The following STX2 variants were observed in gnomAD, a reference collection of about 807,000 sequenced individuals.
STX2 encodes the protein syntaxin 2, also known as syntaxin-2.
Under a neutral mutation model 40.6 loss-of-function variants are expected in STX2, and 27 were observed. The ratio of observed to expected loss-of-function variants is 0.66; its 90% CI spans 0.49 to 0.92. The LOEUF (loss-of-function observed/expected upper bound fraction) is 0.92. STX2 is among the 40% of genes least tolerant of loss of function. The pLI, the probability that STX2 is intolerant of heterozygous loss-of-function variation, is 0.00. For synonymous variants in STX2, 123 were observed against 119.1 expected, an observed-to-expected ratio of 1.03 and a Z score of -0.22; for missense variants, 328 against 366.1, an observed-to-expected ratio of 0.90 and a Z score of 0.85.
chr12:130,807,206 G>T, intron 5 of STX2, 116 bp from the exon 6 acceptor site: 1 of 984,986 alleles, frequency 1.0e-6, no homozygotes, highest in Non-Finnish European at 1.5e-6. Flanking sequence ...CCTGCAAATG[G>T]AAAATGACAA....
At chr12:130,805,296 A>C (rs940498858) in intron 6 of STX2, among the ~76,000 whole-genome samples, 3 of 152,192 alleles carry the variant, frequency 2.0e-5, no homozygotes, top group African/African-American at 7.2e-5. Context: ...TTTCCAAGAC[A>C]CTGAGCATCA....
At chr12:130,833,410 CTTTT>C (rs5801939) in intron 1 of STX2, among the ~76,000 whole-genome samples, 2 of 120,644 alleles carry the variant, frequency 1.7e-5, no homozygotes, top group Non-Finnish European at 3.6e-5. Flanking sequence ...ATCACTCTAC[CTTTT>C]TTTTTTTTTT....
intron 3 of STX2, among the ~76,000 whole-genome samples, chr12:130,820,301 A>G (rs1342499659): frequency 6.6e-6 from 1 of 152,252 alleles, no homozygotes; most frequent in African/African-American, 2.4e-5. Context: ...CTGATTAGGC[A>G]AGGGGTACAA....
intron 2 of STX2, among the ~76,000 whole-genome samples, chr12:130,824,582 G>A (rs1952231540): frequency 6.6e-6 from 1 of 152,124 alleles, no homozygotes; most frequent in Non-Finnish European, 1.5e-5. Context: ...AGAGAATGGT[G>A]CCAGCTACCA....
chr12:130,791,891 A>T lies in STX2; in HGVS notation c.*132T>A. The T allele has an allele frequency of 6.2e-7, 1 of 1,609,994 alleles. No homozygotes were observed. The highest frequency in any genetic ancestry group is 8.5e-7 in the Non-Finnish European group (1 of 1,177,110). Reference sequence around the variant, plus strand: ...GTCTCAAGGATAAATGGCTCTTGGGATATGGTTGCTAGGACAATGTTGTTG... The same window carrying T: ...GTCTCAAGGATAAATGGCTCTTGGGTTATGGTTGCTAGGACAATGTTGTTG... On this transcript the variant is annotated 3_prime_UTR_variant, in exon 11 of 11. Transcript: ENST00000392373.
intron 2 of STX2, 58 bp downstream of exon 2, chr12:130,827,135 G>C (rs1283640911): frequency 1.3e-6 from 1 of 761,132 alleles, no homozygotes; most frequent in African/African-American, 2.6e-5. Context: ...GGAGGGGTGG[G>C]GGGAGGGAGG....
intron 1 of STX2, among the ~76,000 whole-genome samples, chr12:130,831,339 T>TA (rs945661487): frequency 2.4e-4 from 36 of 152,204 alleles, no homozygotes; most frequent in African/African-American, 8.4e-4. Context: ...ATCACTTGGG[T>TA]AAAAAAAGAA....
intron 3 of STX2, among the ~76,000 whole-genome samples, chr12:130,821,430 C>G (rs552064609): frequency 6.3e-4 from 96 of 152,268 alleles, no homozygotes; most frequent in African/African-American, 2.3e-3. Flanking sequence ...AAGCCACTTT[C>G]GTGTATTCTT....
At chr12:130,810,961 G>A (rs1951625538) in intron 4 of STX2, 1 of 152,182 alleles carries the variant, frequency 6.6e-6, no homozygotes, top group African/African-American at 2.4e-5. Flanking sequence ...AGTAAGCTCT[G>A]CTGTCCTCTG....
chr12:130,823,072 C>A (rs1159596541), intron 2 of STX2, among the ~76,000 whole-genome samples: 1 of 152,090 alleles, frequency 6.6e-6, no homozygotes, highest in African/African-American at 2.4e-5. Context: ...GGAGCCAAGG[C>A]AGAAGGATCA....
chr12:130,797,117 G>C (rs1359043319), intron 9 of STX2, among the ~76,000 whole-genome samples: 1 of 152,144 alleles, frequency 6.6e-6, no homozygotes, highest in African/African-American at 2.4e-5. Context: ...GCCAGCTACC[G>C]CACAGACCCC....
chr12:130,801,258 A>G lies in STX2; in HGVS notation c.570T>C (p.Ala190=). 6.2e-7 allele frequency: 1 copy of G among 1,613,560 alleles called. No homozygotes were observed. Among genetic ancestry groups the G allele is most frequent in the Non-Finnish European group, 8.5e-7 (1 of 1,179,690 alleles). Residue 190 remains alanine (A), a synonymous_variant, in exon 8 of 11, where the codon GCT becomes GCC. Coordinates refer to ENST00000392373, the MANE Select transcript of STX2 (RefSeq NM_194356.4). ...IISDSQITRQ[A]LNEIESRHKD... Reference sequence around the variant, plus strand: ...TGTGACGTGACTCGATTTCATTGAGAGCTTGTCTAGTAATTTGTGAATCTG... The same window carrying G: ...TGTGACGTGACTCGATTTCATTGAGGGCTTGTCTAGTAATTTGTGAATCTG...
In STX2 at chr12:130,801,301, C is replaced by A; in HGVS notation, c.538-11G>T. ...TGAATCTGATATAATCTTGGAAAAA[C>A]AAAAATAAAAGATAATATTAATAAA... is the stretch of plus-strand genomic sequence containing the variant. On this transcript the variant is annotated splice_polypyrimidine_tract_variant and intron_variant, in intron 7 of 10. Transcript: ENST00000392373. 6.2e-7 allele frequency: 1 copy of A among 1,603,674 alleles called. No homozygotes were observed. The highest frequency in any genetic ancestry group is 1.1e-5 in the South Asian group (1 of 89,040).
At position 130,806,990 on chromosome 12, in the gene STX2, A is replaced by G; in HGVS notation, c.455T>C (p.Leu152Pro). 6.2e-7 allele frequency: 1 copy of G among 1,614,150 alleles called. No homozygotes were observed. The highest frequency in any genetic ancestry group is 1.1e-5 in the South Asian group (1 of 91,084). ...GAGTCTCCATTACTCACTTATCTCC[A>G]GCTGGCGCTGGATGCGGCCTTTGCT... is the stretch of plus-strand genomic sequence containing the variant. ...ERSKGRIQRQ[L>P]EITGRTTTDD... The change falls in exon 6 of 11, where the codon CTG becomes CCG. Residue 152 changes from leucine to proline, a missense_variant. Leu to Pro is a moderately conservative substitution (Grantham distance 98). Coordinates refer to ENST00000392373, the MANE Select transcript of STX2 (RefSeq NM_194356.4).
At chr12:130,832,210 G>A (rs543300305) in intron 1 of STX2, among the ~76,000 whole-genome samples, 10 of 151,146 alleles carry the variant, frequency 6.6e-5, no homozygotes, top group African/African-American at 2.4e-4. Context: ...TCTCCACTCA[G>A]CATATATTGC....
At chr12:130,828,381 C>T (rs1952408251) in intron 1 of STX2, among the ~76,000 whole-genome samples, 2 of 146,720 alleles carry the variant, frequency 1.4e-5, no homozygotes, top group African/African-American at 5.0e-5. Context: ...GCACCTGCCA[C>T]CACACCCGGC....
In STX2 at chr12:130,827,247, T is replaced by G; in HGVS notation, c.51A>C (p.Gly17=). ...DLTACRKNDD[G]DTVVVVEKDH... is the part of the protein sequence containing the mutation. ...CTTTCTCAACCACAACAACTGTGTCTCCATCATCATTCTTCCTACACTACA... is the reference window on the plus strand; with the variant it reads ...CTTTCTCAACCACAACAACTGTGTCGCCATCATCATTCTTCCTACACTACA... The change falls in exon 2 of 11, where the codon GGA becomes GGC. Residue 17 remains glycine, a synonymous_variant. Coordinates refer to ENST00000392373, the MANE Select transcript of STX2 (RefSeq NM_194356.4). The G allele has an allele frequency of 1.2e-6, 2 of 1,613,894 alleles. No individual in the cohort carries two copies. The highest frequency in any genetic ancestry group is 8.5e-7 in the Non-Finnish European group (1 of 1,179,914).
intron 9 of STX2, among the ~76,000 whole-genome samples, chr12:130,797,161 A>G (rs866213839): frequency 6.6e-6 from 1 of 152,218 alleles, no homozygotes; most frequent in Non-Finnish European, 1.5e-5. Flanking sequence ...GCTCATCCAC[A>G]GAGGAGAATG....
At position 130,801,474 on chromosome 12, in the gene STX2, T is replaced by C. The variant is rs147400655; in HGVS notation, c.478A>G (p.Thr160Ala). 4.4e-6 allele frequency: 7 copies of C among 1,604,646 alleles called. No homozygotes were observed. In the African/African-American group the frequency reaches 9.4e-5, roughly 22 times the overall value. ...AGCATCTCTTCTAGCTCGTCGTCTG[T>C]GGTGGTTCTCCCAGCTGAAAGACCC... ...RQLEITGRTT[T>A]DDELEEMLES... is the part of the protein sequence containing the mutation. The change falls in exon 7 of 11, where the codon ACA (threonine) becomes GCA (alanine). Residue 160 changes from threonine to alanine, a missense_variant. Thr to Ala is a moderately conservative substitution (Grantham distance 58). Coordinates refer to ENST00000392373, the MANE Select transcript of STX2 (RefSeq NM_194356.4).
Sources: allele counts gnomAD v4.1 joint callset (sites outside exome capture counted in the v4.1 genomes callset), GRCh38; gene constraint gnomAD v4.1.1; transcripts MANE v1.5; gene names NCBI Gene and HGNC (gene_info 2026-07-23, HGNC 2026-07-21).